POMP: variants seen among roughly 807,000 people sequenced by gnomAD.
The protein encoded by POMP is 2510048O06Rik.
POMP carries 12 observed loss-of-function variants against 20.6 expected under a neutral mutation model. That is an observed-to-expected ratio of 0.58 (90% confidence interval 0.37 to 0.94). The LOEUF (loss-of-function observed/expected upper bound fraction) is 0.94, where lower values mean the gene tolerates loss of function less well. POMP is among the 40% of genes least tolerant of loss of function. POMP has a pLI of 0.01. For missense variants in POMP, 136 were observed against 161.1 expected (o/e 0.84, Z 0.84); for synonymous variants, 53 against 55.0 (o/e 0.96, Z 0.16).
intron 4 of POMP, among the ~76,000 whole-genome samples, chr13:28,672,084 T>G (rs1219959755): frequency 6.6e-6 from 1 of 152,220 alleles, no homozygotes; most frequent in African/African-American, 2.4e-5. Flanking sequence ...GTAGTTTTCC[T>G]GAGCAGAAGC....
At chr13:28,662,258 A>G (rs1771203) in intron 1 of POMP, 152 bp from the exon 2 acceptor site, 9,559 of 597,848 alleles carry the variant, frequency 0.016, 674 homozygotes, top group African/African-American at 0.15. Context: ...ATCATATCAT[A>G]ATGTTTAAGG....
intron 4 of POMP, among the ~76,000 whole-genome samples, chr13:28,671,449 C>CTTTT (rs58068200): frequency 6.9e-6 from 1 of 144,790 alleles, no homozygotes; most frequent in Non-Finnish European, 1.5e-5. Flanking sequence ...AATTCTCTGT[C>CTTTT]TTTTTTTTTT....
At chr13:28,671,449 C>CTTTTTTTTTTTT (rs58068200) in intron 4 of POMP, among the ~76,000 whole-genome samples, 1 of 144,790 alleles carries the variant, frequency 6.9e-6, no homozygotes, top group African/African-American at 2.5e-5. Context: ...AATTCTCTGT[C>CTTTTTTTTTTTT]TTTTTTTTTT....
intron 1 of POMP, among the ~76,000 whole-genome samples, chr13:28,659,531 G>A (rs1884297171): frequency 1.3e-5 from 2 of 152,170 alleles, no homozygotes; most frequent in African/African-American, 4.8e-5. Context: ...GTTCTGTGGG[G>A]TGGCGCTGGC....
intron 5 of POMP, among the ~76,000 whole-genome samples, chr13:28,673,299 G>A (rs181570162): frequency 6.6e-6 from 1 of 152,134 alleles, no homozygotes; most frequent in African/African-American, 2.4e-5. Context: ...TCGAACTCCT[G>A]ACCTTGTGAT....
chr13:28,668,596 G>C (rs1265425554), intron 4 of POMP, 22 bp downstream of exon 4: 1 of 1,511,562 alleles, frequency 6.6e-7, no homozygotes, highest in South Asian at 1.1e-5. Flanking sequence ...GATCTCTGTT[G>C]CATATGTGTC....
At position 28,662,499 on chromosome 13, in the gene POMP, TC is replaced by T. The variant is rs1884363098; in HGVS notation, c.94del (p.Arg32GlyfsTer7). On this transcript the variant is annotated frameshift_variant, in exon 2 of 6. Transcript: ENST00000380842. LOFTEE classifies it high-confidence loss of function. ...GACCTTTTGAAAGTCATGATCTTCTTCGGAAAGGGTATATGGGGGAGTTATG... is the reference window on the plus strand; with the variant it reads ...GACCTTTTGAAAGTCATGATCTTCTTGGAAAGGGTATATGGGGGAGTTATG... ...SGPFESHDLL[R>X]KGFSCVKNEL... 1 of 1,608,836 alleles carries T rather than the reference TC, an allele frequency of 6.2e-7. No individual in the cohort carries two copies. The highest frequency in any genetic ancestry group is 1.3e-5 in the African/African-American group (1 of 74,822).
intron 1 of POMP, 141 bp downstream of exon 1, chr13:28,659,328 T>G: frequency 7.2e-7 from 1 of 1,382,614 alleles, no homozygotes; most frequent in Non-Finnish European, 9.9e-7. Flanking sequence ...GGCGCCATAA[T>G]CTGTCGAGTC....
chr13:28,671,688 T>A (rs985161543), intron 4 of POMP, among the ~76,000 whole-genome samples: 1 of 152,108 alleles, frequency 6.6e-6, no homozygotes, highest in African/African-American at 2.4e-5. Context: ...CTATAAAGAT[T>A]TTAAATATCT....
At chr13:28,676,740 G>A (rs1307836778) in intron 5 of POMP, among the ~76,000 whole-genome samples, 2 of 152,180 alleles carry the variant, frequency 1.3e-5, no homozygotes, top group Admixed American at 1.3e-4. Context: ...TAAGAAGGAC[G>A]TATAAGGACA....
intron 5 of POMP, among the ~76,000 whole-genome samples, chr13:28,673,915 A>G (rs1205063417): frequency 2.8e-4 from 43 of 152,232 alleles, no homozygotes; most frequent in Admixed American, 2.8e-3. Flanking sequence ...GGGGGAGATA[A>G]ACACATAAAC....
intron 3 of POMP, among the ~76,000 whole-genome samples, chr13:28,666,964 T>G (rs1884459465): frequency 6.6e-6 from 1 of 152,112 alleles, no homozygotes; most frequent in Non-Finnish European, 1.5e-5. Context: ...CTGCCAAACA[T>G]CCTACAGTAC....
At chr13:28,673,705 AC>A (rs1884587701) in intron 5 of POMP, among the ~76,000 whole-genome samples, 1 of 152,178 alleles carries the variant, frequency 6.6e-6, no homozygotes, top group South Asian at 2.1e-4. Context: ...TTGAACTTAG[AC>A]CTTATTTAAA....
At chr13:28,659,259 C>T in intron 1 of POMP, 72 bp downstream of exon 1, 1 of 1,550,758 alleles carries the variant, frequency 6.4e-7, no homozygotes, top group Non-Finnish European at 8.7e-7. Context: ...CAGGCAGTCG[C>T]CTCCCAACCC....
At chr13:28,672,065 G>A in intron 4 of POMP, among the ~76,000 whole-genome samples, 1 of 152,120 alleles carries the variant, frequency 6.6e-6, no homozygotes, top group East Asian at 1.9e-4. Flanking sequence ...TCATTACATG[G>A]TATATGCCGT....
intron 4 of POMP, among the ~76,000 whole-genome samples, chr13:28,671,874 A>G (rs1182715340): frequency 6.6e-6 from 1 of 152,188 alleles, no homozygotes; most frequent in East Asian, 1.9e-4. Context: ...ATCAAAAATT[A>G]TCTGCATTAG....
At chr13:28,664,080 A>G (rs1884395573) in intron 2 of POMP, among the ~76,000 whole-genome samples, 1 of 152,198 alleles carries the variant, frequency 6.6e-6, no homozygotes, top group Admixed American at 6.5e-5. Context: ...CCTATTGTTC[A>G]ACATGTTTAT....
At chr13:28,675,404 G>T (rs1304772188) in intron 5 of POMP, among the ~76,000 whole-genome samples, 2 of 152,212 alleles carry the variant, frequency 1.3e-5, no homozygotes, top group Non-Finnish European at 2.9e-5. Context: ...CTCCCAAAGT[G>T]CTGGGATTAC....
intron 4 of POMP, among the ~76,000 whole-genome samples, chr13:28,670,263 C>G (rs1884524215): frequency 6.6e-6 from 1 of 152,196 alleles, no homozygotes; most frequent in Non-Finnish European, 1.5e-5. Flanking sequence ...CATAATCCCC[C>G]ACATACTCCT....
Sources: gnomAD v4.1 joint callset for allele counts (sites outside exome capture counted in the v4.1 genomes callset) on GRCh38, gnomAD v4.1.1 for gene constraint, MANE v1.5 for transcripts, NCBI Gene and HGNC (gene_info 2026-07-23, HGNC 2026-07-21) for gene names.